The following MYOF variants were observed in gnomAD, a reference collection of about 807,000 sequenced individuals.
MYOF encodes myoferlin, also known as fer-1-like 3, myoferlin.
A neutral mutation model predicts 284.2 loss-of-function variants in MYOF; 244 were observed. The observed-to-expected ratio is 0.86, with a 90% CI of 0.77 to 0.95. The LOEUF is 0.95. MYOF is among the 40% of genes least tolerant of loss of function. The pLI is 0.00. For synonymous variants in MYOF, 904 were observed against 919.7 expected (o/e 0.98, Z 0.31); for missense variants, 2,496 against 2,560.6 (o/e 0.97, Z 0.54).
At chr10:93,467,507 C>G (rs1351146428) in intron 1 of MYOF, among the ~76,000 whole-genome samples, 2 of 152,072 alleles carry the variant, frequency 1.3e-5, no homozygotes, top group Non-Finnish European at 2.9e-5. Context: ...GAAATAGGAA[C>G]ACTTTTACAC....
intron 21 of MYOF, among the ~76,000 whole-genome samples, chr10:93,378,693 G>GTGTGTGTGTGTGTATATATATA: frequency 1.1e-5 from 1 of 87,894 alleles, no homozygotes; most frequent in African/African-American, 4.8e-5. Flanking sequence ...GTGTGTGTGT[G>GTGTGTGTGTGTGTATATATATA]TATATATATA....
chr10:93,396,110 C>T, intron 16 of MYOF, 32 bp downstream of exon 16: 1 of 1,520,024 alleles, frequency 6.6e-7, no homozygotes, highest in Non-Finnish European at 9.0e-7. Flanking sequence ...GTTCTGTATC[C>T]AGTCTTGTTC....
chr10:93,338,841 C>G (rs1040598553), intron 39 of MYOF, among the ~76,000 whole-genome samples: 3 of 151,856 alleles, frequency 2.0e-5, no homozygotes, highest in African/African-American at 7.3e-5. Flanking sequence ...CTATAGAAGG[C>G]CTCCCACTCA....
intron 4 of MYOF, among the ~76,000 whole-genome samples, chr10:93,427,125 A>G (rs2134197881): frequency 6.6e-6 from 1 of 151,050 alleles, no homozygotes; most frequent in Non-Finnish European, 1.5e-5. Flanking sequence ...TGACCACGTG[A>G]TCTGCCCACC....
intron 6 of MYOF, 55 bp downstream of exon 6, chr10:93,409,518 G>T: frequency 1.3e-6 from 2 of 1,576,356 alleles, no homozygotes; most frequent in Non-Finnish European, 1.7e-6. Context: ...GCAATTGCCA[G>T]AAGATGGGCA....
chr10:93,454,351 G>C (rs1018184019), intron 2 of MYOF, among the ~76,000 whole-genome samples: 1 of 152,124 alleles, frequency 6.6e-6, no homozygotes, highest in African/African-American at 2.4e-5. Flanking sequence ...AATGGAATAA[G>C]ATGGCTGATT....
At chr10:93,375,606 G>A (rs1845802788) in intron 22 of MYOF, among the ~76,000 whole-genome samples, 1 of 152,204 alleles carries the variant, frequency 6.6e-6, no homozygotes, top group Non-Finnish European at 1.5e-5. Context: ...TGTGGGACAT[G>A]CTTTTTAGGG....
intron 3 of MYOF, among the ~76,000 whole-genome samples, chr10:93,438,624 C>A (rs771695638): frequency 6.6e-6 from 1 of 152,030 alleles, no homozygotes; most frequent in Non-Finnish European, 1.5e-5. Context: ...GTCCGAGAAA[C>A]AATGGTCTAG....
intron 1 of MYOF, among the ~76,000 whole-genome samples, chr10:93,463,864 CAAAAAAA>C (rs34959644): frequency 5.5e-5 from 5 of 91,578 alleles, no homozygotes; most frequent in Admixed American, 1.2e-4. Context: ...GACCCTGTCT[CAAAAAAA>C]AAAAAAAAAA....
chr10:93,406,110 A>G (rs901919941), intron 7 of MYOF, among the ~76,000 whole-genome samples: 2 of 150,758 alleles, frequency 1.3e-5, no homozygotes, highest in Non-Finnish European at 3.0e-5. Context: ...GGTGTGTGCC[A>G]CCACACCCGG....
chr10:93,478,840 A>AGAAAGAAAGAAAGAAAGAAAGGAAGAAAG (rs1554875967), intron 1 of MYOF, among the ~76,000 whole-genome samples: 1 of 78,052 alleles, frequency 1.3e-5, no homozygotes, highest in African/African-American at 5.1e-5. Flanking sequence ...AAAAAAAAAA[A>AGAAAGAAAGAAAGAAAGAAAGGAAGAAAG]AAAGAAAGAA....
chr10:93,355,561 T>C lies in MYOF; in HGVS notation c.3403+67A>G, dbSNP rs1429805498. On this transcript the variant is annotated intron_variant, in intron 31 of 53. Transcript: ENST00000359263. The stretch of plus-strand genomic sequence containing the variant: ...TACCACTGCACTCCAGCCTGGGTGA[T>C]AGGGCCAGACTCAGTCTTGAAAAAA... The C allele has an allele frequency of 2.0e-5, 26 of 1,293,786 alleles. No homozygotes were observed. The East Asian group carries it at 2.3e-4, about 11-fold the overall frequency. The allele number at this position is 1,293,786 out of a possible 1,614,324, so 80.1% of individuals were successfully genotyped here.
chr10:93,335,955 T>C lies in MYOF; in HGVS notation c.4529A>G (p.Glu1510Gly). 6.2e-7 allele frequency: 1 copy of C among 1,614,236 alleles called. No homozygotes were observed. Among genetic ancestry groups the C allele is most frequent in the Non-Finnish European group, 8.5e-7 (1 of 1,180,048 alleles). ...TFKLYRGKSD[E>G]NEDPSVVGEF... ...TCCAACCACAGAAGGATCTTCATTT[T>C]CATCCGACTTGCCTCGGTACAACTT... Residue 1510 changes from glutamate (E) to glycine (G), a missense_variant, in exon 41 of 54, where the codon GAA becomes GGA. Physicochemically the swap from Glu to Gly is moderately conservative, Grantham distance 98. This residue lies in a region of MYOF where 2,436 missense variants were observed against 2,480.7 expected (regional missense o/e 0.98). Transcript: ENST00000359263.
At chr10:93,400,928 C>A (rs780176780) in intron 12 of MYOF, among the ~76,000 whole-genome samples, 2 of 146,130 alleles carry the variant, frequency 1.4e-5, no homozygotes, top group Non-Finnish European at 3.0e-5. Context: ...GTGTGGCTCA[C>A]GGCAACCTCC....
intron 48 of MYOF, among the ~76,000 whole-genome samples, chr10:93,320,957 T>A (rs1842818564): frequency 6.6e-6 from 1 of 152,160 alleles, no homozygotes; most frequent in Admixed American, 6.5e-5. Context: ...AAAATAAGAT[T>A]AATGATATGT....
chr10:93,325,894 G>C lies in MYOF; in HGVS notation c.5203C>G (p.Gln1735Glu), dbSNP rs1156825816. 1 of 1,614,138 alleles carries C rather than the reference G, an allele frequency of 6.2e-7. No homozygotes were observed. Among genetic ancestry groups the C allele is most frequent in the South Asian group, 1.1e-5 (1 of 91,066 alleles). ...TCCACGTGCTCAGGGACCAGCCCCT[G>C]AGTCCTGAGGATGTGAAGAGCAAGC... Reference protein sequence around the residue: ...ERLALHILRTQGLVPEHVETR... With the variant: ...ERLALHILRTEGLVPEHVETR... The change falls in exon 46 of 54, where the codon CAG (glutamine) becomes GAG (glutamate). Residue 1735 changes from glutamine to glutamate, a missense_variant. Gln to Glu is a conservative substitution (Grantham distance 29). Transcript: ENST00000359263.
At chr10:93,322,041 T>G (rs1183615406) in intron 48 of MYOF, among the ~76,000 whole-genome samples, 1 of 152,170 alleles carries the variant, frequency 6.6e-6, no homozygotes, top group Non-Finnish European at 1.5e-5. Flanking sequence ...CAAATAAATT[T>G]GCATATATAT....
At chr10:93,432,382 G>A (rs1274026260) in intron 3 of MYOF, among the ~76,000 whole-genome samples, 2 of 151,338 alleles carry the variant, frequency 1.3e-5, no homozygotes, top group Non-Finnish European at 2.9e-5. Flanking sequence ...GTGAGACCTT[G>A]TCTCAAAAAA....
At chr10:93,457,445 G>C (rs972969045) in intron 1 of MYOF, among the ~76,000 whole-genome samples, 1 of 152,176 alleles carries the variant, frequency 6.6e-6, no homozygotes, top group Non-Finnish European at 1.5e-5. Flanking sequence ...ATAGGCTTCG[G>C]TACAAGGTCA....
Sources: allele counts gnomAD v4.1 joint callset (sites outside exome capture counted in the v4.1 genomes callset), GRCh38; gene constraint gnomAD v4.1.1; regional missense constraint gnomAD v4.1.1; transcripts MANE v1.5; gene names NCBI Gene and HGNC (gene_info 2026-07-23, HGNC 2026-07-21).